ITPR2: variants seen among roughly 807,000 people sequenced by gnomAD.
The protein encoded by ITPR2 is inositol 1,4,5-trisphosphate-gated calcium channel ITPR2.
In ITPR2, 207 loss-of-function variants were observed where a neutral mutation model predicts 317.1. The ratio of observed to expected loss-of-function variants is 0.65; its 90% confidence interval spans 0.58 to 0.73. The LOEUF is 0.73. Among genes scored for constraint, ITPR2 ranks in the 30% least tolerant of loss-of-function variants. The pLI, the probability that ITPR2 is intolerant of heterozygous loss-of-function variation, is 0.00. For missense variants in ITPR2, 2,613 were observed against 3,284.0 expected, an observed-to-expected ratio of 0.80 and a Z score of 4.99; for synonymous variants, 1,156 against 1,149.1, an observed-to-expected ratio of 1.01 and a Z score of -0.12.
At chr12:26,435,267 C>T (rs184044702) in intron 48 of ITPR2, among the ~76,000 whole-genome samples, 11 of 152,256 alleles carry the variant, frequency 7.2e-5, no homozygotes, top group Admixed American at 7.2e-4. Flanking sequence ...CTTTCCACTA[C>T]GCTTCCTTAT....
intron 11 of ITPR2, among the ~76,000 whole-genome samples, chr12:26,683,960 C>G (rs1464315768): frequency 6.6e-6 from 1 of 152,128 alleles, no homozygotes; most frequent in East Asian, 1.9e-4. Flanking sequence ...AGGTAAAAAG[C>G]ATTAGGGCCA....
chr12:26,692,782 T>C (rs551091174), intron 10 of ITPR2, among the ~76,000 whole-genome samples: 2 of 152,204 alleles, frequency 1.3e-5, no homozygotes, highest in South Asian at 4.1e-4. Flanking sequence ...GATAAATGTT[T>C]CTAAATTACA....
intron 45 of ITPR2, among the ~76,000 whole-genome samples, chr12:26,456,434 C>T (rs1169395645): frequency 6.6e-6 from 1 of 152,308 alleles, no homozygotes; most frequent in East Asian, 1.9e-4. Flanking sequence ...ATTGCCCAGC[C>T]CTTTTCTAGA....
intron 51 of ITPR2, among the ~76,000 whole-genome samples, chr12:26,412,629 T>C (rs1282364866): frequency 1.3e-5 from 2 of 152,152 alleles, no homozygotes; most frequent in Admixed American, 6.5e-5. Context: ...CAGATTTCTT[T>C]TTTAATGTAA....
At chr12:26,428,542 T>C (rs578035177) in intron 48 of ITPR2, among the ~76,000 whole-genome samples, 7 of 152,154 alleles carry the variant, frequency 4.6e-5, no homozygotes, top group African/African-American at 7.2e-5. Context: ...AAGAATCTAG[T>C]AGAATAACCT....
At chr12:26,484,669 G>A (rs762219229) in intron 41 of ITPR2, among the ~76,000 whole-genome samples, 12 of 151,922 alleles carry the variant, frequency 7.9e-5, no homozygotes, top group Non-Finnish European at 1.6e-4. Flanking sequence ...ACTAATAACC[G>A]AAATTACTAA....
intron 15 of ITPR2, among the ~76,000 whole-genome samples, chr12:26,660,406 A>G (rs2136913640): frequency 6.6e-6 from 1 of 152,312 alleles, no homozygotes; most frequent in South Asian, 2.1e-4. Context: ...CACATCTCAC[A>G]CTGCCATGGG....
chr12:26,810,336 A>ACACTGATTT (rs1950712055), intron 1 of ITPR2, among the ~76,000 whole-genome samples: 2 of 152,190 alleles, frequency 1.3e-5, no homozygotes, highest in Non-Finnish European at 2.9e-5. Context: ...TAAATCAGTG[A>ACACTGATTT]AATGACATCT....
Position 26,339,303 on chromosome 12 carries a change from A to T in ITPR2, c.*94T>A, listed in dbSNP as rs1938023878. The T allele has an allele frequency of 1.9e-6, 2 of 1,067,714 alleles. No homozygotes were observed. Among genetic ancestry groups the T allele is most frequent in the Non-Finnish European group, 2.8e-6 (2 of 705,512 alleles). The allele number at this position is 1,067,714 out of a possible 1,614,324, so 66.1% of individuals were successfully genotyped here. On this transcript the variant is annotated 3_prime_UTR_variant, in exon 57 of 57. Transcript: ENST00000381340. ...ACTTGGTTGTTTTTAACTTTTCAAC[A>T]ATAGGCACTGTTCACTCCCCTCCAT...
intron 37 of ITPR2, among the ~76,000 whole-genome samples, chr12:26,548,892 CA>C (rs1421698679): frequency 1.3e-5 from 2 of 152,102 alleles, no homozygotes; most frequent in Non-Finnish European, 2.9e-5. Flanking sequence ...CTTGACTAGC[CA>C]AAGTAAAAAT....
intron 35 of ITPR2, among the ~76,000 whole-genome samples, chr12:26,557,869 A>C (rs554758417): frequency 6.6e-5 from 10 of 152,094 alleles, no homozygotes; most frequent in Non-Finnish European, 1.5e-4. Flanking sequence ...AGAAAAAAAA[A>C]CTAACTTCTT....
chr12:26,827,286 C>T (rs1048930822), intron 1 of ITPR2, among the ~76,000 whole-genome samples: 5 of 97,702 alleles, frequency 5.1e-5, no homozygotes, highest in Non-Finnish European at 1.1e-4. Flanking sequence ...GAACAATAAA[C>T]TCGGAGAAAA....
chr12:26,805,940 G>C (rs1288276570), intron 1 of ITPR2, among the ~76,000 whole-genome samples: 1 of 152,020 alleles, frequency 6.6e-6, no homozygotes, highest in East Asian at 1.9e-4. Flanking sequence ...AGCTCAACGT[G>C]ATCTGGTTTA....
intron 5 of ITPR2, 33 bp from the exon 6 acceptor site, chr12:26,716,275 C>G (rs569613851): frequency 7.4e-7 from 1 of 1,342,714 alleles, no homozygotes; most frequent in Non-Finnish European, 1.1e-6. Flanking sequence ...AATTGAGACA[C>G]TGCATGGATC....
rs540042105 is a variant in ITPR2, at chr12:26,513,699, C to G, written c.5074-18439G>C. 7.4e-4 allele frequency among the ~76,000 whole-genome samples: 112 copies of G among 152,104 alleles called. 1 individual carries two copies. The highest frequency in any genetic ancestry group is 4.0e-4 in the Non-Finnish European group (27 of 68,002). On this transcript the variant is annotated intron_variant, in intron 37 of 56. Transcript: ENST00000381340. ...TGTTTCCAGCACCTTTGCCTTATGTCTTCTATCCAATTTTTCCACTGTCTC... is the reference window on the plus strand; with the variant it reads ...TGTTTCCAGCACCTTTGCCTTATGTGTTCTATCCAATTTTTCCACTGTCTC...
At chr12:26,509,164 T>C (rs1330813229) in intron 37 of ITPR2, among the ~76,000 whole-genome samples, 3 of 152,158 alleles carry the variant, frequency 2.0e-5, no homozygotes, top group African/African-American at 7.2e-5. Context: ...ATGATTCCAT[T>C]TATATGAAAT....
At chr12:26,456,086 G>A (rs948001934) in intron 45 of ITPR2, among the ~76,000 whole-genome samples, 16 of 152,090 alleles carry the variant, frequency 1.1e-4, no homozygotes, top group African/African-American at 3.9e-4. Flanking sequence ...CTTAAACGGG[G>A]GCTGGATAAA....
intron 37 of ITPR2, among the ~76,000 whole-genome samples, chr12:26,538,171 T>C (rs983789426): frequency 2.0e-5 from 3 of 152,234 alleles, no homozygotes; most frequent in Admixed American, 6.5e-5. Flanking sequence ...GTGTCATCTT[T>C]TGTTGTGTGA....
intron 14 of ITPR2, 92 bp downstream of exon 14, chr12:26,665,818 G>T: frequency 3.6e-6 from 4 of 1,125,920 alleles, no homozygotes; most frequent in Non-Finnish European, 5.1e-6. Flanking sequence ...GGGATCATTT[G>T]CTTCATAGTA....
Sources: gnomAD v4.1 joint callset for allele counts (sites outside exome capture counted in the v4.1 genomes callset) on GRCh38, gnomAD v4.1.1 for gene constraint, MANE v1.5 for transcripts, NCBI Gene and HGNC (gene_info 2026-07-23, HGNC 2026-07-21) for gene names.